The following CLVS1 variants were observed in gnomAD, a reference collection of about 807,000 sequenced individuals.
CLVS1 encodes clavesin-1.
CLVS1 carries 10 observed loss-of-function variants against 33.1 expected under a neutral mutation model. The ratio of observed to expected loss-of-function variants is 0.30; its 90% CI spans 0.19 to 0.51. The LOEUF is 0.51. Ranked by LOEUF, CLVS1 falls within the 20% of genes least tolerant of loss-of-function variation. CLVS1 has a pLI of 0.97. For missense variants in CLVS1, 343 were observed against 433.4 expected, an observed-to-expected ratio of 0.79 and a Z score of 1.85; for synonymous variants, 163 against 166.1, an observed-to-expected ratio of 0.98 and a Z score of 0.14.
intron 2 of CLVS1, among the ~76,000 whole-genome samples, chr8:61,373,247 C>T (rs1254168891): frequency 6.6e-6 from 1 of 152,222 alleles, no homozygotes; most frequent in Non-Finnish European, 1.5e-5. Context: ...TAGGCTTACA[C>T]TCCTCCACAC....
At chr8:61,443,823 C>T (rs1284575771) in intron 3 of CLVS1, among the ~76,000 whole-genome samples, 1 of 151,910 alleles carries the variant, frequency 6.6e-6, no homozygotes, top group Non-Finnish European at 1.5e-5. Context: ...ACCTGTTTAC[C>T]AATTTGAGGG....
intron 2 of CLVS1, among the ~76,000 whole-genome samples, chr8:61,155,201 C>T (rs1024929584): frequency 3.3e-5 from 5 of 152,162 alleles, no homozygotes; most frequent in African/African-American, 1.2e-4. Context: ...TTTGGAAAAC[C>T]CTCCAGGATC....
upstream of CLVS1, among the ~76,000 whole-genome samples, chr8:61,052,380 C>A (rs947093477): frequency 6.6e-6 from 1 of 151,994 alleles, no homozygotes; most frequent in African/African-American, 2.4e-5. Flanking sequence ...AAAATAAAAC[C>A]ATGAAGGGCG....
At chr8:61,256,002 A>G (rs1809073093) in intron 2 of CLVS1, among the ~76,000 whole-genome samples, 1 of 152,210 alleles carries the variant, frequency 6.6e-6, no homozygotes, top group African/African-American at 2.4e-5. Context: ...TTTTAAGTGT[A>G]TATTTCAGTG....
At chr8:61,415,429 G>T (rs1360731202) in intron 3 of CLVS1, among the ~76,000 whole-genome samples, 1 of 152,168 alleles carries the variant, frequency 6.6e-6, no homozygotes, top group Non-Finnish European at 1.5e-5. Context: ...TAGTAAAATG[G>T]GGTAAAATCT....
At chr8:61,160,099 C>G (rs1324003613) in intron 2 of CLVS1, among the ~76,000 whole-genome samples, 1 of 152,198 alleles carries the variant, frequency 6.6e-6, no homozygotes, top group Non-Finnish European at 1.5e-5. Context: ...CTGGCCTGAG[C>G]TTCTCTGCTG....
intron 2 of CLVS1, among the ~76,000 whole-genome samples, chr8:61,246,448 G>T (rs1157814803): frequency 1.3e-5 from 2 of 151,744 alleles, no homozygotes; most frequent in Non-Finnish European, 2.9e-5. Context: ...GGGATTACAG[G>T]TGTGAGCCAC....
At position 61,299,752 on chromosome 8, in the gene CLVS1, C is replaced by G. The variant is rs1407464654; in HGVS notation, c.-76C>G. On this transcript the variant is annotated 5_prime_UTR_variant, in exon 2 of 6. Transcript: ENST00000325897. ...GGGCCTGAATGTGAAAGAAGACCCT[C>G]TATTTGTCTGTTCCGGGGCAGCCTG... 9.1e-7 allele frequency: 1 copy of G among 1,094,620 alleles called. No homozygotes were observed. Among genetic ancestry groups the G allele is most frequent in the African/African-American group, 1.6e-5 (1 of 63,670 alleles). The allele number at this position is 1,094,620 out of a possible 1,614,324, so 67.8% of individuals were successfully genotyped here.
chr8:61,406,618 TG>T (rs57210777), intron 3 of CLVS1, among the ~76,000 whole-genome samples: 5,547 of 145,058 alleles, frequency 0.038, 162 homozygotes, highest in African/African-American at 0.088. Context: ...GTTTTTTTTG[TG>T]GGGGGGGGGA....
intron 2 of CLVS1, among the ~76,000 whole-genome samples, chr8:61,301,744 G>A (rs913096626): frequency 3.3e-5 from 5 of 152,150 alleles, no homozygotes; most frequent in Admixed American, 6.5e-5. Flanking sequence ...TCTGATGTGA[G>A]AGCCAGTTGT....
At chr8:61,385,552 T>TG (rs1178537166) in intron 3 of CLVS1, among the ~76,000 whole-genome samples, 1 of 151,878 alleles carries the variant, frequency 6.6e-6, no homozygotes, top group East Asian at 1.9e-4. Context: ...AAAGAATTAG[T>TG]GAAAAAAAAG....
At chr8:61,338,964 CTGTGTG>C (rs10608173) in intron 2 of CLVS1, among the ~76,000 whole-genome samples, 49 of 148,502 alleles carry the variant, frequency 3.3e-4, no homozygotes, top group Middle Eastern at 3.5e-3. Context: ...AAAGGGAACA[CTGTGTG>C]TGTGTGTGTG....
At chr8:61,121,148 A>C (rs1391145609) in intron 1 of CLVS1, among the ~76,000 whole-genome samples, 17 of 151,966 alleles carry the variant, frequency 1.1e-4, no homozygotes, top group African/African-American at 2.9e-4. Flanking sequence ...AGGTGCCGTC[A>C]GTCACCCCTT....
At chr8:61,384,626 A>G (rs1381888447) in intron 3 of CLVS1, among the ~76,000 whole-genome samples, 1 of 152,082 alleles carries the variant, frequency 6.6e-6, no homozygotes, top group Non-Finnish European at 1.5e-5. Flanking sequence ...GGAGGTATTG[A>G]GCATTTTTTA....
intron 2 of CLVS1, among the ~76,000 whole-genome samples, chr8:61,236,850 C>G (rs16927069): frequency 0.22 from 33,038 of 152,104 alleles, 6,236 homozygotes; most frequent in East Asian, 0.69. Flanking sequence ...AGGGAATTAG[C>G]TCCAATGGAA....
intron 2 of CLVS1, among the ~76,000 whole-genome samples, chr8:61,199,607 G>T (rs1055472394): frequency 1.4e-4 from 21 of 152,168 alleles, no homozygotes; most frequent in African/African-American, 4.1e-4. Flanking sequence ...AACAATAGAG[G>T]TTTGTTTAAA....
chr8:61,150,986 G>A (rs1806521537), intron 2 of CLVS1, among the ~76,000 whole-genome samples: 1 of 152,144 alleles, frequency 6.6e-6, no homozygotes, highest in Non-Finnish European at 1.5e-5. Context: ...GACATTCTGG[G>A]GGCCTGTATA....
rs144150198 is a variant in CLVS1, at chr8:61,168,518, T to C, written c.-152+36658T>C. Among the ~76,000 whole-genome samples the C allele has an allele frequency of 1.1e-4, 16 of 152,334 alleles. No homozygotes were observed. In the East Asian group the frequency reaches 2.9e-3, roughly 27 times the overall value. Reference sequence around the variant, plus strand: ...AATAATTATATTTTAGAAAAACCTATAGCATACCTGTTATTAGATCCTAGT... The same window carrying C: ...AATAATTATATTTTAGAAAAACCTACAGCATACCTGTTATTAGATCCTAGT... On this transcript the variant is annotated intron_variant, in intron 2 of 2. Transcript: ENST00000522621.
intron 3 of CLVS1, among the ~76,000 whole-genome samples, chr8:61,447,210 G>T (rs894484663): frequency 3.3e-5 from 5 of 152,050 alleles, no homozygotes; most frequent in African/African-American, 1.2e-4. Flanking sequence ...TTGTGGATTT[G>T]TCTATTTCTT....
Sources: allele counts gnomAD v4.1 joint callset (sites outside exome capture counted in the v4.1 genomes callset), GRCh38; gene constraint gnomAD v4.1.1; transcripts MANE v1.5; gene names NCBI Gene and HGNC (gene_info 2026-07-23, HGNC 2026-07-21).